Variants in SLCO1B1 observed in about 807,000 individuals in gnomAD.
SLCO1B1 encodes solute carrier organic anion transporter family member 1B1.
A neutral mutation model predicts 70.1 loss-of-function variants in SLCO1B1; 81 were observed. That is an observed-to-expected ratio of 1.16 (90% CI 0.97 to 1.39). SLCO1B1 has a LOEUF of 1.39. Ranked by LOEUF, SLCO1B1 falls within the 40% of genes most tolerant of loss-of-function variation. The probability of loss-of-function intolerance (pLI) is 0.00; values close to 1 mark genes in which losing one functional copy is unlikely to be tolerated. For synonymous variants in SLCO1B1, 283 were observed against 271.5 expected, an observed-to-expected ratio of 1.04 and a Z score of -0.42; for missense variants, 895 against 799.6, an observed-to-expected ratio of 1.12 and a Z score of -1.44.
chr12:21,233,282 T>G (rs1941560816), intron 14 of SLCO1B1, among the ~76,000 whole-genome samples: 1 of 152,140 alleles, frequency 6.6e-6, no homozygotes, highest in Non-Finnish European at 1.5e-5. Flanking sequence ...ATGAGGGTTT[T>G]CTGAGTTAGG....
At chr12:21,238,934 C>T (rs1941620330) in intron 14 of SLCO1B1, 45 bp from the exon 15 acceptor site, 1 of 1,207,496 alleles carries the variant, frequency 8.3e-7, no homozygotes, top group South Asian at 1.4e-5. Context: ...AGTTATTACA[C>T]ACAATTTAAA....
chr12:21,200,390 CTT>C, intron 8 of SLCO1B1, 116 bp from the exon 9 acceptor site: 1 of 585,710 alleles, frequency 1.7e-6, no homozygotes. Context: ...TATTCTCACT[CTT>C]TGTGTTATGT....
At position 21,195,515 on chromosome 12, in the gene SLCO1B1, A is replaced by T. The variant is rs978204034; in HGVS notation, c.728-1431A>T. Among the ~76,000 whole-genome samples the T allele has an allele frequency of 2.0e-5, 3 of 152,122 alleles. No individual in the cohort carries two copies. The South Asian group carries it at 6.2e-4, about 32-fold the overall frequency. On this transcript the variant is annotated intron_variant, in intron 7 of 14. Coordinates refer to ENST00000256958, the MANE Select transcript of SLCO1B1 (RefSeq NM_006446.5). ...AGCTGTAGCAAGTGCTCATGTGCTA[A>T]TTTAAGCCACCATTTTTGTGCTCTT...
At chr12:21,208,267 GT>G (rs1229549829) in intron 11 of SLCO1B1, among the ~76,000 whole-genome samples, 1 of 151,928 alleles carries the variant, frequency 6.6e-6, no homozygotes, top group African/African-American at 2.4e-5. Context: ...ATAGTTTTAG[GT>G]TTTACATTTC....
At chr12:21,209,473 G>A (rs1941253902) in intron 11 of SLCO1B1, among the ~76,000 whole-genome samples, 1 of 152,138 alleles carries the variant, frequency 6.6e-6, no homozygotes, top group Non-Finnish European at 1.5e-5. Flanking sequence ...GGACATTTGG[G>A]TGGGTTCCAA....
intron 2 of SLCO1B1, among the ~76,000 whole-genome samples, chr12:21,165,871 A>G (rs1591805702): frequency 6.6e-6 from 1 of 152,168 alleles, no homozygotes; most frequent in Non-Finnish European, 1.5e-5. Context: ...TGTTTAAGCC[A>G]TCCGTTCCAT....
chr12:21,132,797 A>G (rs1184233284), intron 1 of SLCO1B1, among the ~76,000 whole-genome samples: 18 of 152,222 alleles, frequency 1.2e-4, no homozygotes, highest in Admixed American at 1.1e-3. Flanking sequence ...GTTCACTCTG[A>G]TGGTAGTTTC....
In SLCO1B1 at chr12:21,141,850, C is replaced by T. The variant is rs149689886; in HGVS notation, c.84+192C>T. The stretch of plus-strand genomic sequence containing the variant: ...TTAATCTGATTAAGTATTTCTTTGG[C>T]GAAATTTTTGATGCTTAATAGTTTA... On this transcript the variant is annotated intron_variant, in intron 2 of 14. Coordinates refer to ENST00000256958, the MANE Select transcript of SLCO1B1 (RefSeq NM_006446.5). 1.3e-3 allele frequency among the ~76,000 whole-genome samples: 197 copies of T among 151,512 alleles called. 1 individual carries two copies. In the East Asian group the frequency reaches 0.015, roughly 11 times the overall value.
chr12:21,205,822 T>C (rs777870554), intron 10 of SLCO1B1, 46 bp from the exon 11 acceptor site: 1 of 1,425,634 alleles, frequency 7.0e-7, no homozygotes. Context: ...TTTGTCTTTT[T>C]CTTCTCTCTC....
chr12:21,162,012 A>C (rs1392505664), intron 2 of SLCO1B1, among the ~76,000 whole-genome samples: 1 of 151,896 alleles, frequency 6.6e-6, no homozygotes, highest in African/African-American at 2.4e-5. Flanking sequence ...TGCCTCAAAA[A>C]ATACATATAA....
intron 14 of SLCO1B1, among the ~76,000 whole-genome samples, chr12:21,226,608 A>G (rs1048361222): frequency 6.6e-6 from 1 of 152,098 alleles, no homozygotes; most frequent in African/African-American, 2.4e-5. Context: ...AAATGATTTT[A>G]TATGATATTA....
At chr12:21,159,579 G>A (rs570569098) in intron 2 of SLCO1B1, among the ~76,000 whole-genome samples, 1 of 152,262 alleles carries the variant, frequency 6.6e-6, no homozygotes, top group South Asian at 2.1e-4. Flanking sequence ...ATAGTTTGAT[G>A]TAGATAAAAG....
chr12:21,133,283 T>C (rs1252107857), intron 1 of SLCO1B1, among the ~76,000 whole-genome samples: 1 of 152,138 alleles, frequency 6.6e-6, no homozygotes, highest in Non-Finnish European at 1.5e-5. Flanking sequence ...TCCAGCTTTG[T>C]TCTTTTCGCT....
intron 7 of SLCO1B1, among the ~76,000 whole-genome samples, chr12:21,192,751 C>A (rs914633828): frequency 3.3e-5 from 5 of 151,960 alleles, no homozygotes; most frequent in African/African-American, 1.2e-4. Flanking sequence ...TGAGAGCAAA[C>A]AATGCCAGAT....
chr12:21,172,626 C>T, intron 2 of SLCO1B1, 24 bp from the exon 3 acceptor site: 1 of 1,613,132 alleles, frequency 6.2e-7, no homozygotes, highest in Non-Finnish European at 8.5e-7. Flanking sequence ...ACCATTTTCC[C>T]CCTTTCCTTC....
intron 8 of SLCO1B1, among the ~76,000 whole-genome samples, chr12:21,200,096 C>T (rs533913030): frequency 4.6e-5 from 7 of 152,206 alleles, no homozygotes; most frequent in East Asian, 1.9e-4. Flanking sequence ...CCACTGTGCC[C>T]GGCCTTCACT....
intron 7 of SLCO1B1, among the ~76,000 whole-genome samples, chr12:21,180,837 T>C (rs1219917320): frequency 6.6e-6 from 1 of 152,184 alleles, no homozygotes; most frequent in African/African-American, 2.4e-5. Flanking sequence ...GGTTAATTAT[T>C]TTATAAGCTC....
intron 11 of SLCO1B1, among the ~76,000 whole-genome samples, chr12:21,207,900 G>A (rs1022390427): frequency 3.1e-4 from 47 of 151,820 alleles, no homozygotes; most frequent in Non-Finnish European, 1.3e-4. Context: ...GATTAGTGAT[G>A]TTAAACATTT....
intron 2 of SLCO1B1, among the ~76,000 whole-genome samples, chr12:21,148,872 A>C (rs753749478): frequency 4.6e-5 from 7 of 151,906 alleles, no homozygotes; most frequent in Non-Finnish European, 1.0e-4. Context: ...ATGTTTTTCC[A>C]TTTATTTGTG....
Sources: gnomAD v4.1 joint callset for allele counts (sites outside exome capture counted in the v4.1 genomes callset) on GRCh38, gnomAD v4.1.1 for gene constraint, MANE v1.5 for transcripts, NCBI Gene and HGNC (gene_info 2026-07-23, HGNC 2026-07-21) for gene names.